ANO1: variants seen among roughly 807,000 people sequenced by gnomAD.
ANO1 encodes anoctamin 1, also known as anoctamin-1.
In ANO1, 59 loss-of-function variants were observed where a neutral mutation model predicts 124.0. The observed-to-expected ratio is 0.48, with a 90% CI of 0.39 to 0.59. The LOEUF is 0.59. ANO1 is among the 20% of genes least tolerant of loss of function. The pLI is 0.00. For synonymous variants in ANO1, 529 were observed against 532.0 expected, an observed-to-expected ratio of 0.99 and a Z score of 0.08; for missense variants, 1,059 against 1,328.0, an observed-to-expected ratio of 0.80 and a Z score of 3.15.
At chr11:70,032,985 G>A (rs1488480550) in intron 1 of ANO1, among the ~76,000 whole-genome samples, 1 of 152,200 alleles carries the variant, frequency 6.6e-6, no homozygotes, top group African/African-American at 2.4e-5. Flanking sequence ...GTGAGGACCA[G>A]GCACACGGCG....
intron 16 of ANO1, among the ~76,000 whole-genome samples, chr11:70,158,966 C>G (rs567740585): frequency 1.3e-5 from 2 of 152,034 alleles, no homozygotes; most frequent in African/African-American, 4.8e-5. Context: ...GGGAGATAAC[C>G]GGAGCCTCCC....
intron 1 of ANO1, among the ~76,000 whole-genome samples, chr11:70,040,475 G>T (rs970518843): frequency 1.3e-5 from 2 of 152,138 alleles, no homozygotes; most frequent in Non-Finnish European, 2.9e-5. Flanking sequence ...AAAGGAGTTC[G>T]AGAGTGGCCT....
At chr11:70,060,729 G>A (rs1323453174) in intron 1 of ANO1, among the ~76,000 whole-genome samples, 2 of 152,204 alleles carry the variant, frequency 1.3e-5, no homozygotes, top group Non-Finnish European at 2.9e-5. Flanking sequence ...GCAGACATAA[G>A]AGCCAGCCTA....
intron 8 of ANO1, among the ~76,000 whole-genome samples, chr11:70,122,971 C>G (rs1344346545): frequency 6.6e-6 from 1 of 152,166 alleles, no homozygotes; most frequent in Non-Finnish European, 1.5e-5. Context: ...AAAACTGTGG[C>G]CTTTTCATCG....
At position 70,156,982 on chromosome 11, in the gene ANO1, C is replaced by T. The variant is rs756491644; in HGVS notation, c.1539C>T (p.Phe513=). Reference sequence around the variant, plus strand: ...TGAAGCTGACATGGAGAGATCGGTTCCCAGCCTACCTCACTAACTTGGTCT... The same window carrying T: ...TGAAGCTGACATGGAGAGATCGGTTTCCAGCCTACCTCACTAACTTGGTCT... ...DKVKLTWRDR[F]PAYLTNLVSI... is the part of the protein sequence containing the mutation. The change falls in exon 16 of 26, where the codon TTC becomes TTT. Residue 513 remains phenylalanine, a synonymous_variant. Transcript: ENST00000355303. The T allele has an allele frequency of 5.6e-6, 9 of 1,613,700 alleles. No homozygotes were observed. The South Asian group carries it at 6.6e-5, about 12-fold the overall frequency.
At chr11:70,125,068 C>T (rs2046438267) in intron 9 of ANO1, among the ~76,000 whole-genome samples, 1 of 152,192 alleles carries the variant, frequency 6.6e-6, no homozygotes, top group Admixed American at 6.5e-5. Flanking sequence ...GGGGACCGGG[C>T]GCGGTGGCTC....
chr11:70,012,174 CT>C (rs2120354778), intron 1 of ANO1, among the ~76,000 whole-genome samples: 1 of 152,258 alleles, frequency 6.6e-6, no homozygotes, highest in South Asian at 2.1e-4. Flanking sequence ...TTCCATCTAT[CT>C]ATCCATCCAT....
chr11:70,106,869 A>G (rs2045569748), intron 5 of ANO1, among the ~76,000 whole-genome samples: 1 of 152,208 alleles, frequency 6.6e-6, no homozygotes, highest in African/African-American at 2.4e-5. Flanking sequence ...AGAGAACAGC[A>G]GTACTCGATA....
intron 22 of ANO1, among the ~76,000 whole-genome samples, chr11:70,172,132 A>AAAAAAAGAAAAG (rs111814625): frequency 7.1e-6 from 1 of 141,576 alleles, no homozygotes; most frequent in Non-Finnish European, 1.5e-5. Flanking sequence ...AAAAAAAAAA[A>AAAAAAAGAAAAG]AAAAGAAAAG....
Position 70,088,004 on chromosome 11 carries a change from G to A in ANO1, c.361G>A (p.Glu121Lys), listed in dbSNP as rs768567405. ...GSGEPPMDYH[E>K]DDKRFRREEY... ...GGGGGAGCCCCCGATGGACTACCAC[G>A]AGGATGACAAGCGCTTCCGCAGGGA... The change falls in exon 2 of 26, where the codon GAG becomes AAG. Residue 121 changes from glutamate (E) to lysine (K), a missense_variant. Physicochemically the swap from Glu to Lys is moderately conservative, Grantham distance 56. This residue lies in a region of ANO1 where 250 missense variants were observed against 233.1 expected (regional missense o/e 1.07). Transcript: ENST00000355303. 1.9e-6 allele frequency: 3 copies of A among 1,552,742 alleles called. No individual in the cohort carries two copies. Among genetic ancestry groups the A allele is most frequent in the Admixed American group, 1.9e-5 (1 of 51,926 alleles).
rs564753658 is a variant in ANO1 at position 69,987,034 on chromosome 11, C to T, written c.58+868C>T. Among the ~76,000 whole-genome samples the T allele has an allele frequency of 1.1e-4, 17 of 152,278 alleles. No individual in the cohort carries two copies. In the South Asian group the frequency reaches 3.3e-3, roughly 30 times the overall value. ...TTTTATTCTTCCCCCCTCCCTCCCCCGACTTTTCTTCTTTTCGAATTCCCA... is the reference window on the plus strand; with the variant it reads ...TTTTATTCTTCCCCCCTCCCTCCCCTGACTTTTCTTCTTTTCGAATTCCCA... On this transcript the variant is annotated intron_variant, in intron 1 of 27. Coordinates refer to the ANO1 transcript ENST00000531349.
At chr11:70,095,452 GAA>G (rs1350084568) in intron 2 of ANO1, among the ~76,000 whole-genome samples, 1 of 148,942 alleles carries the variant, frequency 6.7e-6, no homozygotes, top group African/African-American at 2.5e-5. Context: ...AAGAGGGAAA[GAA>G]AATTCATTCT....
In ANO1 at chr11:70,062,067, C is replaced by CTT. The variant is rs1175846749; in HGVS notation, c.59-16450_59-16449dup. 5.1e-4 allele frequency among the ~76,000 whole-genome samples: 32 copies of CTT among 62,272 alleles called. 1 individual carries two copies. Among genetic ancestry groups the CTT allele is most frequent in the African/African-American group, 8.6e-4 (14 of 16,212 alleles). 40.9% of individuals were successfully genotyped at this position (62,272 alleles called of 152,430 possible). ...GTGATTTTTTTCTCTTTCCTTCTTT[C>CTT]TTTTTTTTTTTTTTTTTTTTTTTTT... is the stretch of plus-strand genomic sequence containing the variant. On this transcript the variant is annotated intron_variant, in intron 1 of 27. Transcript: ENST00000531349.
chr11:70,006,890 G>A (rs955462855), intron 1 of ANO1, among the ~76,000 whole-genome samples: 4 of 151,714 alleles, frequency 2.6e-5, no homozygotes, highest in East Asian at 1.9e-4. Flanking sequence ...GGCTGGTCTC[G>A]AACTCCTGAC....
intron 23 of ANO1, among the ~76,000 whole-genome samples, chr11:70,181,120 G>A (rs908444082): frequency 2.0e-5 from 3 of 152,216 alleles, no homozygotes; most frequent in Admixed American, 6.5e-5. Flanking sequence ...AAAACCCGAG[G>A]CAGCCATGGG....
chr11:70,024,110 T>C (rs1856851534), intron 1 of ANO1, among the ~76,000 whole-genome samples: 1 of 152,210 alleles, frequency 6.6e-6, no homozygotes, highest in Non-Finnish European at 1.5e-5. Flanking sequence ...TCTCTTAGTG[T>C]CCAGATGGCA....
chr11:70,014,422 A>C (rs1856663097), intron 1 of ANO1, among the ~76,000 whole-genome samples: 1 of 151,444 alleles, frequency 6.6e-6, no homozygotes, highest in South Asian at 2.1e-4. Flanking sequence ...TGTGTGCCCG[A>C]CTCCTTTCCC....
chr11:70,011,230 G>A (rs1856594180), intron 1 of ANO1, among the ~76,000 whole-genome samples: 1 of 152,196 alleles, frequency 6.6e-6, no homozygotes, highest in South Asian at 2.1e-4. Context: ...GGAGAGCAGG[G>A]TGGAGGAACT....
At chr11:70,137,584 C>T (rs2046998339) in intron 11 of ANO1, among the ~76,000 whole-genome samples, 1 of 145,880 alleles carries the variant, frequency 6.9e-6, no homozygotes. Flanking sequence ...GGAAGATCCA[C>T]CCAGCGGGGC....
Sources: allele counts gnomAD v4.1 joint callset (sites outside exome capture counted in the v4.1 genomes callset), GRCh38; gene constraint gnomAD v4.1.1; regional missense constraint gnomAD v4.1.1; transcripts MANE v1.5; gene names NCBI Gene and HGNC (gene_info 2026-07-23, HGNC 2026-07-21).